Variants in ZNF695 observed in about 807,000 individuals in gnomAD.
ZNF695 encodes zinc finger protein SBZF3.
In ZNF695, 11 loss-of-function variants were observed where a neutral mutation model predicts 11.2. The observed-to-expected ratio is 0.98, with a 90% CI of 0.62 to 1.62. The LOEUF (loss-of-function observed/expected upper bound fraction) is 1.62, where lower values mean the gene tolerates loss of function less well. Ranked by LOEUF, ZNF695 falls within the 40% of genes most tolerant of loss-of-function variation. The pLI is 0.00. For synonymous variants in ZNF695, 190 were observed against 201.4 expected, an observed-to-expected ratio of 0.94 and a Z score of 0.48; for missense variants, 559 against 590.5, an observed-to-expected ratio of 0.95 and a Z score of 0.55.
chr1:247,007,661 C>G (rs1669580268), intron 1 of ZNF695, among the ~76,000 whole-genome samples: 1 of 152,110 alleles, frequency 6.6e-6, no homozygotes, highest in Non-Finnish European at 1.5e-5. Context: ...CGGGAGGGCT[C>G]TGGGCCGTGC....
chr1:246,998,558 G>T (rs1188732391), intron 3 of ZNF695, among the ~76,000 whole-genome samples: 1 of 152,188 alleles, frequency 6.6e-6, no homozygotes, highest in African/African-American at 2.4e-5. Flanking sequence ...TCTCCACAGG[G>T]TAAGTCATAA....
chr1:247,007,708 G>T (rs970905190), intron 1 of ZNF695, among the ~76,000 whole-genome samples, 198 bp downstream of exon 1: 1 of 151,994 alleles, frequency 6.6e-6, no homozygotes, highest in African/African-American at 2.4e-5. Flanking sequence ...GTCACCCAGC[G>T]GCCGGGATCC....
chr1:246,949,715 G>T (rs1379420767), intron 5 of ZNF695, among the ~76,000 whole-genome samples: 1 of 152,056 alleles, frequency 6.6e-6, no homozygotes, highest in Non-Finnish European at 1.5e-5. Context: ...CTCATCAAAG[G>T]TCCCTTACTT....
At chr1:246,958,265 A>G (rs559618355) in intron 5 of ZNF695, among the ~76,000 whole-genome samples, 6 of 151,988 alleles carry the variant, frequency 3.9e-5, no homozygotes, top group East Asian at 1.9e-4. Context: ...TCACCATGTT[A>G]GCCAGGATGT....
chr1:246,963,600 G>A (rs1181215888), intron 5 of ZNF695, among the ~76,000 whole-genome samples: 3 of 152,190 alleles, frequency 2.0e-5, no homozygotes, highest in Admixed American at 6.5e-5. Flanking sequence ...AAGAAGGCTG[G>A]CAGTGCCAGA....
intron 4 of ZNF695, among the ~76,000 whole-genome samples, chr1:246,978,686 A>G (rs1159193855): frequency 6.6e-6 from 1 of 152,200 alleles, no homozygotes; most frequent in Non-Finnish European, 1.5e-5. Context: ...CTCAGGATAA[A>G]CTACGGCTCA....
At position 246,955,986 on chromosome 1, in the gene ZNF695, T is replaced by A. The variant is rs534209430; in HGVS notation, c.489-10159A>T. 2.1e-3 allele frequency among the ~76,000 whole-genome samples: 241 copies of A among 115,966 alleles called. 1 individual carries two copies. Among genetic ancestry groups the A allele is most frequent in the African/African-American group, 9.5e-3 (237 of 24,818 alleles). 76.1% of individuals were successfully genotyped at this position (115,966 alleles called of 152,430 possible). ...ATGCCAGATATTAGTTTGGATTGGATTTTTTTTTTTTTTTTTTTTTAAGAC... is the reference window on the plus strand; with the variant it reads ...ATGCCAGATATTAGTTTGGATTGGAATTTTTTTTTTTTTTTTTTTTAAGAC... On this transcript the variant is annotated intron_variant, in intron 5 of 5. Transcript: ENST00000487338.
chr1:246,985,858 TA>T lies in ZNF695; in HGVS notation c.*1108del. The T allele has an allele frequency of 1.0e-6, 1 of 985,362 alleles. No homozygotes were observed. Among genetic ancestry groups the T allele is most frequent in the Non-Finnish European group, 1.2e-6 (1 of 829,924 alleles). The allele number at this position is 985,362 out of a possible 1,614,324, so 61.0% of individuals were successfully genotyped here. A position where few individuals can be genotyped will look rare whatever the true frequency, so the allele number is the denominator to read the frequency against. On this transcript the variant is annotated 3_prime_UTR_variant, in exon 4 of 4. Coordinates refer to ENST00000339986, the MANE Select transcript of ZNF695 (RefSeq NM_020394.5). The stretch of plus-strand genomic sequence containing the variant: ...CAGGAAGCTTACAATGCAATGTCCA[TA>T]ATCTTCCAAAGAAAAGGATATGAAC...
rs1667869974 is a variant in ZNF695 at position 246,951,549 on chromosome 1, T to A, written c.489-5722A>T. Among the ~76,000 whole-genome samples, 4 of 152,168 alleles carry A rather than the reference T, an allele frequency of 2.6e-5. No individual in the cohort carries two copies. The South Asian group carries it at 8.3e-4, about 31-fold the overall frequency. ...AGCCTCCAGAACTGAGATAATACAT[T>A]TCCGATGTTTGAAGGCACACCATTT... On this transcript the variant is annotated intron_variant, in intron 5 of 5. Coordinates refer to the ZNF695 transcript ENST00000487338.
chr1:246,970,706 A>G (rs1218965833), intron 4 of ZNF695, among the ~76,000 whole-genome samples: 1 of 152,258 alleles, frequency 6.6e-6, no homozygotes, highest in African/African-American at 2.4e-5. Flanking sequence ...CTTGTTGAAG[A>G]CTTAGGGTGA....
chr1:246,948,686 AAT>A (rs1301322948), intron 5 of ZNF695, among the ~76,000 whole-genome samples: 1 of 152,180 alleles, frequency 6.6e-6, no homozygotes, highest in African/African-American at 2.4e-5. Flanking sequence ...GTGTACAATA[AAT>A]AGTTGTTTTA....
chr1:247,007,916 C>CT lies in ZNF695; in HGVS notation c.-9dup. The CT allele has an allele frequency of 3.3e-6, 5 of 1,532,934 alleles. No homozygotes were observed. Among genetic ancestry groups the CT allele is most frequent in the Non-Finnish European group, 4.4e-6 (5 of 1,133,274 alleles). 95.0% of individuals were successfully genotyped at this position (1,532,934 alleles called of 1,614,324 possible). A position where few individuals can be genotyped will look rare whatever the true frequency, so the allele number is the denominator to read the frequency against. Reference sequence around the variant, plus strand: ...GCTCCGCACACTCACCATTTCCCAGCTTTTGGGGGTCCCAGCGTCCTCCCT... The same window carrying CT: ...GCTCCGCACACTCACCATTTCCCAGCTTTTTGGGGGTCCCAGCGTCCTCCCT... On this transcript the variant is annotated 5_prime_UTR_variant, in exon 1 of 4. Transcript: ENST00000339986.
chr1:246,976,742 T>C (rs112828171), intron 4 of ZNF695, among the ~76,000 whole-genome samples: 3,955 of 152,098 alleles, frequency 0.026, 74 homozygotes, highest in African/African-American at 0.047. Flanking sequence ...TGCAGTGTGC[T>C]GAGATCGCGC....
At chr1:246,989,029 G>A (rs1668942900) in intron 3 of ZNF695, among the ~76,000 whole-genome samples, 1 of 150,816 alleles carries the variant, frequency 6.6e-6, no homozygotes, top group Non-Finnish European at 1.5e-5. Flanking sequence ...GGGAGGCGGA[G>A]CTTGTAGTGA....
At chr1:246,956,638 G>A (rs985970630) in intron 5 of ZNF695, among the ~76,000 whole-genome samples, 1 of 151,918 alleles carries the variant, frequency 6.6e-6, no homozygotes, top group Non-Finnish European at 1.5e-5. Flanking sequence ...AAAGATCATG[G>A]GATAATTGGG....
At chr1:246,993,005 C>A (rs1669085881) in intron 3 of ZNF695, among the ~76,000 whole-genome samples, 1 of 152,054 alleles carries the variant, frequency 6.6e-6, no homozygotes, top group Non-Finnish European at 1.5e-5. Flanking sequence ...TCTGTTGAGA[C>A]CAATAATAAA....
intron 4 of ZNF695, among the ~76,000 whole-genome samples, chr1:246,973,969 C>G (rs976413344): frequency 1.6e-4 from 25 of 152,066 alleles, no homozygotes; most frequent in Admixed American, 2.0e-4. Context: ...TCCCAGGTTG[C>G]CTGTCAGTGG....
intron 5 of ZNF695, among the ~76,000 whole-genome samples, chr1:246,959,202 C>T (rs1471845100): frequency 1.4e-5 from 2 of 138,256 alleles, no homozygotes; most frequent in African/African-American, 5.5e-5. Context: ...TTGCTTGAGC[C>T]CAGGAGTTTG....
intron 1 of ZNF695, among the ~76,000 whole-genome samples, chr1:247,004,858 T>C (rs1669489445): frequency 6.6e-6 from 1 of 152,158 alleles, no homozygotes; most frequent in Non-Finnish European, 1.5e-5. Flanking sequence ...TACCTAGGAA[T>C]AAACTTAACC....
Sources: allele counts gnomAD v4.1 joint callset (sites outside exome capture counted in the v4.1 genomes callset), GRCh38; gene constraint gnomAD v4.1.1; transcripts MANE v1.5; gene names NCBI Gene and HGNC (gene_info 2026-07-23, HGNC 2026-07-21).